SLC2A9: variants seen among roughly 807,000 people sequenced by gnomAD.
The protein encoded by SLC2A9 is solute carrier family 2, facilitated glucose transporter member 9.
In SLC2A9, 39 loss-of-function variants were observed where a neutral mutation model predicts 50.6. That is an observed-to-expected ratio of 0.77 (90% CI 0.60 to 1.01). SLC2A9 has a LOEUF of 1.01. Among genes scored for constraint, SLC2A9 ranks in the 50% least tolerant of loss-of-function variants. The probability of loss-of-function intolerance (pLI) is 0.00; values close to 1 mark genes in which losing one functional copy is unlikely to be tolerated. For synonymous variants in SLC2A9, 324 were observed against 276.9 expected (o/e 1.17, Z -1.69); for missense variants, 686 against 677.6 (o/e 1.01, Z -0.14).
chr4:9,997,324 C>A (rs1490606844), intron 2 of SLC2A9, among the ~76,000 whole-genome samples: 1 of 152,164 alleles, frequency 6.6e-6, no homozygotes, highest in Non-Finnish European at 1.5e-5. Flanking sequence ...GGACTCAGAT[C>A]TGACCCCAAG....
intron 3 of SLC2A9, among the ~76,000 whole-genome samples, chr4:9,787,910 C>T (rs577305149): frequency 3.3e-5 from 5 of 152,304 alleles, no homozygotes; most frequent in Admixed American, 1.3e-4. Context: ...CATGAGGTTA[C>T]GGTGCTGTCC....
At chr4:9,910,412 G>A (rs780316773) in intron 7 of SLC2A9, among the ~76,000 whole-genome samples, 32 of 152,202 alleles carry the variant, frequency 2.1e-4, no homozygotes, top group Non-Finnish European at 4.4e-5. Context: ...TTCCCCTTTA[G>A]AAGGTAACTA....
At chr4:9,831,755 T>G (rs559841724) in intron 11 of SLC2A9, among the ~76,000 whole-genome samples, 187 of 152,330 alleles carry the variant, frequency 1.2e-3, no homozygotes, top group South Asian at 0.011. Flanking sequence ...TGGGAGCTGC[T>G]GGACTAAGCA....
intron 3 of SLC2A9, among the ~76,000 whole-genome samples, chr4:9,817,790 A>G (rs568588926): frequency 1.1e-3 from 171 of 152,264 alleles, no homozygotes; most frequent in African/African-American, 4.0e-3. Flanking sequence ...AGTCTTCATA[A>G]TCTCAGCCCC....
intron 10 of SLC2A9, among the ~76,000 whole-genome samples, chr4:9,837,620 C>T (rs1727308365): frequency 6.6e-6 from 1 of 152,202 alleles, no homozygotes; most frequent in Admixed American, 6.5e-5. Flanking sequence ...GGGCTTGAGG[C>T]CATGACTTGT....
At chr4:10,004,701 G>A (rs1383607949) in intron 2 of SLC2A9, among the ~76,000 whole-genome samples, 1 of 152,188 alleles carries the variant, frequency 6.6e-6, no homozygotes, top group Non-Finnish European at 1.5e-5. Flanking sequence ...TTGCCCTGCT[G>A]ACACAATCAA....
intron 10 of SLC2A9, among the ~76,000 whole-genome samples, chr4:9,861,987 C>A (rs527309364): frequency 3.3e-5 from 5 of 152,322 alleles, no homozygotes; most frequent in African/African-American, 1.2e-4. Context: ...CCCCTACTAT[C>A]CTTCCAACTT....
chr4:9,782,207 C>T, intron 3 of SLC2A9: 1 of 1,611,184 alleles, frequency 6.2e-7, no homozygotes, highest in Non-Finnish European at 8.5e-7. Flanking sequence ...GGGCAACGTG[C>T]TGGTGTGCGC....
chr4:9,889,336 G>T (rs1736916508), intron 9 of SLC2A9, among the ~76,000 whole-genome samples: 2 of 152,212 alleles, frequency 1.3e-5, no homozygotes, highest in Non-Finnish European at 2.9e-5. Flanking sequence ...GCCAAGCCAA[G>T]AACAGCTCTG....
intron 10 of SLC2A9, among the ~76,000 whole-genome samples, chr4:9,848,800 T>C (rs1201065297): frequency 6.6e-6 from 1 of 151,142 alleles, no homozygotes; most frequent in East Asian, 1.9e-4. Context: ...CACCTCCCAG[T>C]TTCACGCCAT....
chr4:9,780,583 G>A (rs770905539), intron 3 of SLC2A9, among the ~76,000 whole-genome samples: 7 of 152,148 alleles, frequency 4.6e-5, no homozygotes, highest in African/African-American at 7.2e-5. Context: ...TCTGTTTCTA[G>A]ACCTCACCAT....
intron 5 of SLC2A9, among the ~76,000 whole-genome samples, chr4:9,978,371 T>C (rs551095558): frequency 6.6e-6 from 1 of 152,320 alleles, no homozygotes; most frequent in South Asian, 2.1e-4. Context: ...GAACTTGATA[T>C]TGATTTATAA....
chr4:9,817,799 C>T (rs1313035748), intron 3 of SLC2A9, among the ~76,000 whole-genome samples: 1 of 152,108 alleles, frequency 6.6e-6, no homozygotes, highest in African/African-American at 2.4e-5. Context: ...AATCTCAGCC[C>T]CCTAATCTCT....
At chr4:9,776,796 T>C (rs1717629882), downstream of SLC2A9, among the ~76,000 whole-genome samples, 1 of 152,194 alleles carries the variant, frequency 6.6e-6, no homozygotes, top group Non-Finnish European at 1.5e-5. Context: ...GTAGTTATTG[T>C]CCAGTTCAGA....
intron 3 of SLC2A9, among the ~76,000 whole-genome samples, chr4:9,784,636 A>G (rs1428886945): frequency 1.3e-5 from 2 of 152,248 alleles, no homozygotes; most frequent in South Asian, 2.1e-4. Context: ...GGTGCTCAAT[A>G]GAAAAGCCCG....
chr4:9,887,250 A>T (rs144860959), intron 10 of SLC2A9, among the ~76,000 whole-genome samples: 1 of 152,364 alleles, frequency 6.6e-6, no homozygotes, highest in Non-Finnish European at 1.5e-5. Context: ...ACAGACTGTG[A>T]CTTGGTTGTC....
chr4:9,888,909 GTCACTCAC>G (rs1278182279), intron 9 of SLC2A9, among the ~76,000 whole-genome samples: 5 of 152,146 alleles, frequency 3.3e-5, no homozygotes, highest in Admixed American at 1.3e-4. Context: ...TCTGTACCAA[GTCACTCAC>G]TCACTCACTA....
At chr4:9,933,762 G>C (rs1746563944) in intron 6 of SLC2A9, among the ~76,000 whole-genome samples, 1 of 152,102 alleles carries the variant, frequency 6.6e-6, no homozygotes, top group Admixed American at 6.5e-5. Flanking sequence ...AGTGTTGCAG[G>C]GCTGTGTTCC....
At chr4:9,866,179 T>C (rs943098567) in intron 10 of SLC2A9, among the ~76,000 whole-genome samples, 3 of 152,106 alleles carry the variant, frequency 2.0e-5, no homozygotes, top group African/African-American at 7.2e-5. Context: ...TCCAACAGAA[T>C]GGATATGAAC....
Sources: gnomAD v4.1 joint callset for allele counts (sites outside exome capture counted in the v4.1 genomes callset) on GRCh38, gnomAD v4.1.1 for gene constraint, MANE v1.5 for transcripts, NCBI Gene and HGNC (gene_info 2026-07-23, HGNC 2026-07-21) for gene names.